Variants in ANKRD13C observed in about 807,000 individuals in gnomAD.
The protein encoded by ANKRD13C is ankyrin repeat domain 13C.
A neutral mutation model predicts 65.5 loss-of-function variants in ANKRD13C; 16 were observed. That is an observed-to-expected ratio of 0.24 (90% CI 0.17 to 0.37). The LOEUF (loss-of-function observed/expected upper bound fraction) is 0.37, where lower values mean the gene tolerates loss of function less well. Ranked by LOEUF, ANKRD13C falls within the 10% of genes least tolerant of loss-of-function variation. The probability of loss-of-function intolerance (pLI) is 1.00; values close to 1 mark genes in which losing one functional copy is unlikely to be tolerated. For missense variants in ANKRD13C, 503 were observed against 655.9 expected (o/e 0.77, Z 2.55); for synonymous variants, 235 against 238.7 (o/e 0.98, Z 0.14).
At chr1:70,297,555 G>T (rs1309645667) in intron 7 of ANKRD13C, among the ~76,000 whole-genome samples, 1 of 148,178 alleles carries the variant, frequency 6.7e-6, no homozygotes, top group African/African-American at 2.5e-5. Flanking sequence ...GCCTCCCAAA[G>T]CGCTGGGATT....
At chr1:70,279,295 A>G (rs984649437) in intron 9 of ANKRD13C, among the ~76,000 whole-genome samples, 1 of 152,138 alleles carries the variant, frequency 6.6e-6, no homozygotes, top group African/African-American at 2.4e-5. Flanking sequence ...CGAACTACAG[A>G]GTATAAATTT....
intron 2 of ANKRD13C, among the ~76,000 whole-genome samples, chr1:70,327,785 C>G (rs763493245): frequency 3.3e-5 from 5 of 152,106 alleles, no homozygotes; most frequent in Non-Finnish European, 7.3e-5. Context: ...TAAATAAAGG[C>G]CAGGTGCAGT....
rs1045834345 is a variant in ANKRD13C at position 70,262,496 on chromosome 1, T to A, written c.*221A>T. 1 of 324,840 alleles carries A rather than the reference T, an allele frequency of 3.1e-6. No individual in the cohort carries two copies. The highest frequency in any genetic ancestry group is 2.1e-5 in the African/African-American group (1 of 47,908). The allele number at this position is 324,840 out of a possible 1,614,324, so 20.1% of individuals were successfully genotyped here. ...GTCATTAATGTGTCAAACTATTACA[T>A]TTATAATATGTATATTTTTAAAAAG... is the stretch of plus-strand genomic sequence containing the variant. On this transcript the variant is annotated 3_prime_UTR_variant, in exon 13 of 13. Coordinates refer to ENST00000370944, the MANE Select transcript of ANKRD13C (RefSeq NM_030816.5).
At chr1:70,334,072 C>CTTAA (rs1681917164) in intron 2 of ANKRD13C, among the ~76,000 whole-genome samples, 1 of 152,050 alleles carries the variant, frequency 6.6e-6, no homozygotes, top group Admixed American at 6.6e-5. Flanking sequence ...ATCTGTAATC[C>CTTAA]CAGTGTTCTG....
chr1:70,267,710 T>G (rs1257701633), intron 12 of ANKRD13C, among the ~76,000 whole-genome samples: 1 of 152,224 alleles, frequency 6.6e-6, no homozygotes, highest in East Asian at 1.9e-4. Context: ...TTTCTTGCCA[T>G]CCTTAGGTTA....
At chr1:70,272,382 G>A (rs1035485036) in intron 11 of ANKRD13C, among the ~76,000 whole-genome samples, 5 of 151,522 alleles carry the variant, frequency 3.3e-5, no homozygotes, top group South Asian at 2.1e-4. Flanking sequence ...CACCACACCC[G>A]GCCAATTTTG....
chr1:70,305,457 A>G (rs1680547984), intron 6 of ANKRD13C, among the ~76,000 whole-genome samples: 1 of 152,110 alleles, frequency 6.6e-6, no homozygotes, highest in African/African-American at 2.4e-5. Flanking sequence ...AAACTTTCAA[A>G]TTAATATTCT....
At chr1:70,310,310 T>C (rs1371651194) in intron 5 of ANKRD13C, among the ~76,000 whole-genome samples, 1 of 152,208 alleles carries the variant, frequency 6.6e-6, no homozygotes, top group African/African-American at 2.4e-5. Flanking sequence ...GGGAAAGAAA[T>C]ATGCCAAAAC....
chr1:70,350,142 C>T (rs928567057), intron 1 of ANKRD13C, among the ~76,000 whole-genome samples: 2 of 152,104 alleles, frequency 1.3e-5, no homozygotes, highest in African/African-American at 2.4e-5. Flanking sequence ...GATTCCATCA[C>T]AAAAAATAAT....
At chr1:70,304,648 C>T (rs1359993394) in intron 6 of ANKRD13C, among the ~76,000 whole-genome samples, 1 of 152,156 alleles carries the variant, frequency 6.6e-6, no homozygotes, top group African/African-American at 2.4e-5. Flanking sequence ...ATCTACCTGC[C>T]TCAGCCTCCC....
intron 3 of ANKRD13C, among the ~76,000 whole-genome samples, chr1:70,323,850 G>A (rs551477411): frequency 1.1e-4 from 16 of 150,862 alleles, no homozygotes; most frequent in Admixed American, 3.3e-4. Context: ...TCAGCCTCCC[G>A]AGTAGCTGAG....
At chr1:70,334,755 T>A (rs1402466696) in intron 2 of ANKRD13C, among the ~76,000 whole-genome samples, 1 of 151,818 alleles carries the variant, frequency 6.6e-6, no homozygotes, top group East Asian at 1.9e-4. Context: ...AAAAATCCCA[T>A]CTCTACTAAA....
chr1:70,348,128 AT>A (rs149891775), intron 1 of ANKRD13C, among the ~76,000 whole-genome samples: 1,969 of 152,222 alleles, frequency 0.013, 46 homozygotes, highest in African/African-American at 0.039. Context: ...ATTACATATT[AT>A]TCTTTTGTAT....
At chr1:70,340,051 T>C (rs948859165) in intron 1 of ANKRD13C, among the ~76,000 whole-genome samples, 2 of 151,802 alleles carry the variant, frequency 1.3e-5, no homozygotes, top group Admixed American at 1.3e-4. Context: ...TGTCTCACTA[T>C]GCTGCCCAAG....
chr1:70,345,512 C>A lies in ANKRD13C; in HGVS notation c.430+8467G>T, dbSNP rs1014328428. ...CTGTATTACACTGAAATATATTGGT[C>A]TGTCTTGTGCTTTGAATGGATCTTG... On this transcript the variant is annotated intron_variant, in intron 1 of 12. Transcript: ENST00000370944. Among the ~76,000 whole-genome samples the A allele has an allele frequency of 1.1e-3, 160 of 151,984 alleles. 1 individual carries two copies. The highest frequency in any genetic ancestry group is 1.2e-3 in the Non-Finnish European group (83 of 67,970).
At chr1:70,338,379 A>C (rs1044994567) in intron 1 of ANKRD13C, among the ~76,000 whole-genome samples, 1 of 152,130 alleles carries the variant, frequency 6.6e-6, no homozygotes, top group African/African-American at 2.4e-5. Flanking sequence ...AGTTCAAATA[A>C]AATGAAAATG....
chr1:70,292,245 C>T (rs755306504), intron 9 of ANKRD13C, 143 bp downstream of exon 9: 3 of 585,848 alleles, frequency 5.1e-6, no homozygotes, highest in African/African-American at 2.0e-5. Flanking sequence ...ATGACATCAA[C>T]GAAATGAAGA....
Position 70,262,205 on chromosome 1 carries a change from A to T in ANKRD13C, c.*512T>A, listed in dbSNP as rs1678414725. 6.6e-6 allele frequency: 1 copy of T among 152,604 alleles called. No individual in the cohort carries two copies. Among genetic ancestry groups the T allele is most frequent in the Admixed American group, 6.5e-5 (1 of 15,268 alleles). The allele number at this position is 152,604 out of a possible 1,614,324, so 9.5% of individuals were successfully genotyped here. ...TATTGAACAAACATTCAAATTACTG[A>T]ACTATACATAATGTTACATAGTTTA... On this transcript the variant is annotated 3_prime_UTR_variant, in exon 13 of 13. Coordinates refer to ENST00000370944, the MANE Select transcript of ANKRD13C (RefSeq NM_030816.5).
intron 1 of ANKRD13C, among the ~76,000 whole-genome samples, chr1:70,345,914 G>C (rs1007122302): frequency 6.6e-6 from 1 of 152,090 alleles, no homozygotes; most frequent in Non-Finnish European, 1.5e-5. Context: ...AGTAAAAATG[G>C]TGTTCCATGA....
Sources: allele counts gnomAD v4.1 joint callset (sites outside exome capture counted in the v4.1 genomes callset), GRCh38; gene constraint gnomAD v4.1.1; transcripts MANE v1.5; gene names NCBI Gene and HGNC (gene_info 2026-07-23, HGNC 2026-07-21).